Variants in CNTN5 observed in about 807,000 individuals in gnomAD.
The protein encoded by CNTN5 is contactin-5.
A neutral mutation model predicts 129.1 loss-of-function variants in CNTN5; 77 were observed. The observed-to-expected ratio is 0.60, with a 90% CI of 0.50 to 0.72. CNTN5 has a LOEUF of 0.72. CNTN5 is among the 30% of genes least tolerant of loss of function. The pLI is 0.00. For missense variants in CNTN5, 1,478 were observed against 1,328.8 expected, an observed-to-expected ratio of 1.11 and a Z score of -1.75; for synonymous variants, 509 against 465.6, an observed-to-expected ratio of 1.09 and a Z score of -1.20.
intron 7 of CNTN5, among the ~76,000 whole-genome samples, chr11:99,955,071 T>C (rs1212565552): frequency 6.6e-6 from 1 of 151,978 alleles, no homozygotes; most frequent in Non-Finnish European, 1.5e-5. Context: ...CTTTTCTCTG[T>C]AACTTTAATA....
chr11:99,620,484 A>G (rs1003634902), intron 3 of CNTN5, among the ~76,000 whole-genome samples: 2 of 149,154 alleles, frequency 1.3e-5, no homozygotes, highest in African/African-American at 4.9e-5. Flanking sequence ...ATTTAGCAGG[A>G]TCTTAAAACT....
chr11:99,034,877 G>T (rs1219640608), intron 1 of CNTN5, among the ~76,000 whole-genome samples: 1,152 of 133,272 alleles, frequency 8.6e-3, no homozygotes, highest in African/African-American at 0.015. Context: ...GTCAGTTTTA[G>T]ATCTTTCCTG....
chr11:99,787,463 AT>A (rs1237180968), intron 3 of CNTN5, among the ~76,000 whole-genome samples: 3 of 151,294 alleles, frequency 2.0e-5, no homozygotes, highest in African/African-American at 7.3e-5. Context: ...GTGAGAATGT[AT>A]TTGAGGTTTT....
chr11:99,048,041 A>T (rs998746213), intron 1 of CNTN5, among the ~76,000 whole-genome samples: 5 of 152,096 alleles, frequency 3.3e-5, no homozygotes, highest in African/African-American at 1.2e-4. Context: ...ATAATTGGAA[A>T]TAAAATGAGC....
At chr11:99,454,373 T>C (rs1295792634) in intron 2 of CNTN5, among the ~76,000 whole-genome samples, 1 of 152,174 alleles carries the variant, frequency 6.6e-6, no homozygotes, top group Non-Finnish European at 1.5e-5. Flanking sequence ...CAAGTGGAGA[T>C]AATTGAATCA....
intron 9 of CNTN5, among the ~76,000 whole-genome samples, chr11:100,033,263 T>C (rs1941816407): frequency 6.6e-6 from 1 of 152,130 alleles, no homozygotes; most frequent in African/African-American, 2.4e-5. Flanking sequence ...CCTGGAAAAC[T>C]ACAATAAGAG....
intron 2 of CNTN5, among the ~76,000 whole-genome samples, chr11:99,389,545 C>G (rs979093437): frequency 1.3e-4 from 20 of 152,212 alleles, no homozygotes; most frequent in Admixed American, 5.9e-4. Context: ...TACTTTTTCC[C>G]TTTATAGATA....
intron 3 of CNTN5, among the ~76,000 whole-genome samples, chr11:99,659,422 T>G (rs1437908767): frequency 6.6e-6 from 1 of 152,136 alleles, no homozygotes; most frequent in Non-Finnish European, 1.5e-5. Context: ...TTTTGGTAAC[T>G]GTAAACCGTG....
intron 7 of CNTN5, among the ~76,000 whole-genome samples, chr11:99,924,925 C>A (rs1950026794): frequency 6.6e-6 from 1 of 152,080 alleles, no homozygotes; most frequent in Non-Finnish European, 1.5e-5. Context: ...CTATGAAATA[C>A]AGTACCTAAG....
At chr11:99,305,005 CT>C (rs1184290874) in intron 1 of CNTN5, among the ~76,000 whole-genome samples, 2 of 152,288 alleles carry the variant, frequency 1.3e-5, no homozygotes, top group East Asian at 3.9e-4. Context: ...TTAGATATTA[CT>C]TGACTTTCCC....
intron 8 of CNTN5, among the ~76,000 whole-genome samples, chr11:99,996,937 G>A (rs1209288677): frequency 1.3e-5 from 2 of 152,062 alleles, no homozygotes; most frequent in African/African-American, 2.4e-5. Context: ...TTGGCATGTG[G>A]GGATTACCAT....
At chr11:99,498,290 T>C (rs1323703294) in intron 2 of CNTN5, among the ~76,000 whole-genome samples, 2 of 152,332 alleles carry the variant, frequency 1.3e-5, no homozygotes, top group African/African-American at 4.8e-5. Flanking sequence ...CGCAGTTCAG[T>C]GTAAAGTCAG....
At chr11:100,292,922 C>T (rs1031792345) in intron 18 of CNTN5, among the ~76,000 whole-genome samples, 3 of 151,902 alleles carry the variant, frequency 2.0e-5, no homozygotes, top group Non-Finnish European at 4.4e-5. Flanking sequence ...TACCTTCTGA[C>T]ACCTACAAAG....
intron 2 of CNTN5, among the ~76,000 whole-genome samples, chr11:99,335,371 A>G (rs547678322): frequency 2.0e-5 from 3 of 152,084 alleles, no homozygotes; most frequent in East Asian, 1.9e-4. Flanking sequence ...CATGTTACCT[A>G]TATGGTGCCC....
rs140553641 is a variant in CNTN5, at chr11:99,957,079, T to TG, written c.877+70_877+71insG. On this transcript the variant is annotated intron_variant, in intron 8 of 24. Coordinates refer to ENST00000524871, the MANE Select transcript of CNTN5 (RefSeq NM_014361.4). ...GAAAATAAAGATGTATTAGTGTGTG[T>TG]TTTTTTTTTAAGACCTGGAACTTAC... is the stretch of plus-strand genomic sequence containing the variant. 5.2e-3 allele frequency: 5,539 copies of TG among 1,063,062 alleles called. 45 individuals carry two copies. The highest frequency in any genetic ancestry group is 0.041 in the African/African-American group (2,311 of 56,822). 65.9% of individuals were successfully genotyped at this position (1,063,062 alleles called of 1,614,324 possible). A position where few individuals can be genotyped will look rare whatever the true frequency, so the allele number is the denominator to read the frequency against.
rs1859189607 is a variant in CNTN5, at chr11:99,135,739, A to T, written c.-210+114469A>T. On this transcript the variant is annotated intron_variant, in intron 1 of 24. Transcript: ENST00000524871. ...CATTGTATTTTATCTTCTACTAAAT[A>T]CTTACATGTTTATAGTAACCATTCT... Among the ~76,000 whole-genome samples the T allele has an allele frequency of 8.5e-5, 13 of 152,240 alleles. No homozygotes were observed. In the South Asian group the frequency reaches 2.7e-3, roughly 32 times the overall value.
Position 100,336,847 on chromosome 11 carries a change from C to T in CNTN5, c.2731-3616C>T, listed in dbSNP as rs374335442. The T allele has an allele frequency of 6.0e-4, 274 of 458,122 alleles. 2 individuals carry two copies. Among genetic ancestry groups the T allele is most frequent in the South Asian group, 4.9e-3 (213 of 43,702 alleles). The allele number at this position is 458,122 out of a possible 1,614,324, so 28.4% of individuals were successfully genotyped here. A position where few individuals can be genotyped will look rare whatever the true frequency, so the allele number is the denominator to read the frequency against. ...CTTCCCGGCCTCTTCCCCAGAGAATCACAATCTAGATGTGGAACAGTGGAT... is the reference window on the plus strand; with the variant it reads ...CTTCCCGGCCTCTTCCCCAGAGAATTACAATCTAGATGTGGAACAGTGGAT... On this transcript the variant is annotated intron_variant, in intron 21 of 24. Transcript: ENST00000524871.
intron 3 of CNTN5, among the ~76,000 whole-genome samples, chr11:99,712,092 C>T (rs1955016365): frequency 1.3e-5 from 2 of 152,108 alleles, no homozygotes; most frequent in African/African-American, 4.8e-5. Flanking sequence ...ATTTACACTC[C>T]CACCAACAGT....
chr11:100,089,364 C>A (rs1944668778), intron 13 of CNTN5, among the ~76,000 whole-genome samples: 2 of 152,068 alleles, frequency 1.3e-5, no homozygotes, highest in Non-Finnish European at 1.5e-5. Context: ...GAGATATCAT[C>A]TCATGCCAGT....
Sources: allele counts gnomAD v4.1 joint callset (sites outside exome capture counted in the v4.1 genomes callset), GRCh38; gene constraint gnomAD v4.1.1; transcripts MANE v1.5; gene names NCBI Gene and HGNC (gene_info 2026-07-23, HGNC 2026-07-21).